The following TYW1 variants were observed in gnomAD, a reference collection of about 807,000 sequenced individuals.
TYW1 encodes the protein tRNA-yW synthesizing protein 1 homolog.
Under a neutral mutation model 96.2 loss-of-function variants are expected in TYW1, and 46 were observed. That is an observed-to-expected ratio of 0.48 (90% confidence interval 0.38 to 0.61). TYW1 has a LOEUF of 0.61. Ranked by LOEUF, TYW1 falls within the 20% of genes least tolerant of loss-of-function variation. The probability of loss-of-function intolerance (pLI) is 0.00; values close to 1 mark genes in which losing one functional copy is unlikely to be tolerated. For synonymous variants in TYW1, 274 were observed against 323.0 expected (o/e 0.85, Z 1.63); for missense variants, 684 against 909.6 (o/e 0.75, Z 3.19).
chr7:67,040,998 A>G (rs1487226944), intron 7 of TYW1, among the ~76,000 whole-genome samples: 1 of 152,152 alleles, frequency 6.6e-6, no homozygotes, highest in Non-Finnish European at 1.5e-5. Context: ...ATCCATGTAC[A>G]TTATTTTTTT....
At chr7:67,100,481 T>C (rs1435135110) in intron 12 of TYW1, among the ~76,000 whole-genome samples, 1 of 146,286 alleles carries the variant, frequency 6.8e-6, no homozygotes, top group Non-Finnish European at 1.5e-5. Context: ...ATTGGGGAAA[T>C]AGGAAAAAAA....
intron 7 of TYW1, among the ~76,000 whole-genome samples, chr7:67,029,906 G>C (rs1794618234): frequency 1.3e-5 from 2 of 152,016 alleles, no homozygotes; most frequent in Non-Finnish European, 2.9e-5. Context: ...TCACCATGTT[G>C]CCCAGGCCGA....
intron 9 of TYW1, 157 bp from the exon 10 acceptor site, chr7:67,067,128 C>T (rs1457261830): frequency 1.3e-6 from 1 of 793,168 alleles, no homozygotes; most frequent in Admixed American, 2.6e-5. Flanking sequence ...TGCCAAAACA[C>T]TGAAATGCTC....
intron 13 of TYW1, among the ~76,000 whole-genome samples, chr7:67,134,944 CCAAAAAAA>C (rs1798197453): frequency 1.2e-5 from 1 of 85,940 alleles, no homozygotes; most frequent in Admixed American, 1.3e-4. Context: ...CCTTTCTCTA[CCAAAAAAA>C]AAAAAAAAAA....
intron 11 of TYW1, among the ~76,000 whole-genome samples, chr7:67,097,004 T>C (rs1796941520): frequency 6.6e-6 from 1 of 151,976 alleles, no homozygotes. Flanking sequence ...TGTGATTTAA[T>C]ATGTTTGGGA....
intron 12 of TYW1, among the ~76,000 whole-genome samples, chr7:67,112,351 C>T (rs1237024424): frequency 6.6e-6 from 1 of 152,052 alleles, no homozygotes; most frequent in African/African-American, 2.4e-5. Flanking sequence ...CACAGTGGCT[C>T]ATGCCTGTAA....
At chr7:67,116,083 T>G (rs1179344482) in intron 12 of TYW1, among the ~76,000 whole-genome samples, 1 of 152,144 alleles carries the variant, frequency 6.6e-6, no homozygotes, top group Non-Finnish European at 1.5e-5. Context: ...CCCAGCACTT[T>G]GGGAGGCCAA....
Position 67,121,926 on chromosome 7 carries a change from A to ATC in TYW1, c.1698+4309_1698+4310dup, listed in dbSNP as rs566504312. ...AGTATGTGGGCTAAAAACCAATTCC[A>ATC]TCAAGATACCAGAGTAAAAAATGTG... On this transcript the variant is annotated intron_variant, in intron 13 of 15. Transcript: ENST00000359626. Among the ~76,000 whole-genome samples, 259 of 147,232 alleles carry ATC rather than the reference A, an allele frequency of 1.8e-3. 3 individuals carry two copies. Among genetic ancestry groups the ATC allele is most frequent in the Middle Eastern group, 6.8e-3 (2 of 292 alleles).
At chr7:67,111,490 C>T (rs62468381) in intron 12 of TYW1, among the ~76,000 whole-genome samples, 4 of 152,136 alleles carry the variant, frequency 2.6e-5, no homozygotes, top group Non-Finnish European at 5.9e-5. Flanking sequence ...CGTGAGCCAA[C>T]ACACCTGGCC....
At chr7:67,160,138 G>A (rs1799117366) in intron 13 of TYW1, among the ~76,000 whole-genome samples, 1 of 152,056 alleles carries the variant, frequency 6.6e-6, no homozygotes, top group Non-Finnish European at 1.5e-5. Context: ...GCGGTGGCTA[G>A]TGCCTGTAGT....
intron 15 of TYW1, among the ~76,000 whole-genome samples, chr7:67,211,423 C>T (rs4524666): frequency 0.27 from 40,642 of 151,888 alleles, 5,790 homozygotes; most frequent in African/African-American, 0.36. Flanking sequence ...GACATAACCC[C>T]ATTGTAAGTT....
chr7:67,128,424 G>C (rs1449575843), intron 13 of TYW1, among the ~76,000 whole-genome samples: 2 of 152,128 alleles, frequency 1.3e-5, no homozygotes, highest in Non-Finnish European at 2.9e-5. Flanking sequence ...TTGTCTATCT[G>C]TTCTTGTGTG....
Position 67,009,635 on chromosome 7 carries a change from C to T in TYW1, c.326C>T (p.Ala109Val), listed in dbSNP as rs372549643. The T allele has an allele frequency of 1.2e-6, 2 of 1,611,802 alleles. No homozygotes were observed. The highest frequency in any genetic ancestry group is 8.5e-7 in the Non-Finnish European group (1 of 1,179,516). ...GTTACATCCCTGGATCTGCCTGTGG[C>T]CATTATTAATCTAAAAGAATATGAT... Reference protein sequence around the residue: ...EAVTSLDLPVAIINLKEYDPD... With the variant: ...EAVTSLDLPVVIINLKEYDPD... The change falls in exon 4 of 16, where the codon GCC (alanine) becomes GTC (valine). Residue 109 changes from alanine to valine, a missense_variant. Physicochemically the swap from Ala to Val is moderately conservative, Grantham distance 64. Coordinates refer to ENST00000359626, the MANE Select transcript of TYW1 (RefSeq NM_018264.4).
Position 67,006,438 on chromosome 7 carries a change from CT to C in TYW1, c.274-3126del, listed in dbSNP as rs34088521. On this transcript the variant is annotated intron_variant, in intron 3 of 15. Coordinates refer to ENST00000359626, the MANE Select transcript of TYW1 (RefSeq NM_018264.4). ...CCCAATCTCAGGTATTTCTTTTTTC[CT>C]TTTTTTTTTTTTTTTTTTGAGATGG... Among the ~76,000 whole-genome samples, 258 of 114,748 alleles carry C rather than the reference CT, an allele frequency of 2.2e-3. 1 individual carries two copies. The highest frequency in any genetic ancestry group is 2.9e-3 in the Admixed American group (26 of 8,958). The allele number at this position is 114,748 out of a possible 152,430, so 75.3% of individuals were successfully genotyped here. A position where few individuals can be genotyped will look rare whatever the true frequency, so the allele number is the denominator to read the frequency against.
intron 13 of TYW1, among the ~76,000 whole-genome samples, chr7:67,152,512 C>T (rs1798834178): frequency 6.6e-6 from 1 of 152,130 alleles, no homozygotes; most frequent in African/African-American, 2.4e-5. Flanking sequence ...TGTATCCTCC[C>T]TCACCCCGCC....
At chr7:67,208,614 C>T (rs1199596632) in intron 15 of TYW1, among the ~76,000 whole-genome samples, 3 of 147,314 alleles carry the variant, frequency 2.0e-5, no homozygotes, top group South Asian at 4.5e-4. Context: ...CGCTTGAACC[C>T]GTGAGGCGGA....
intron 12 of TYW1, among the ~76,000 whole-genome samples, chr7:67,103,493 A>G (rs1272318572): frequency 6.6e-6 from 1 of 152,244 alleles, no homozygotes; most frequent in African/African-American, 2.4e-5. Flanking sequence ...TAGTGAAACA[A>G]GATAGTCTTC....
intron 13 of TYW1, among the ~76,000 whole-genome samples, chr7:67,130,347 C>T (rs1798030294): frequency 6.7e-6 from 1 of 149,430 alleles, no homozygotes; most frequent in East Asian, 2.0e-4. Flanking sequence ...TGTCACTGCA[C>T]TTCAGCTTGG....
chr7:67,173,981 A>G (rs573365019), intron 13 of TYW1, among the ~76,000 whole-genome samples: 7 of 140,134 alleles, frequency 5.0e-5, no homozygotes, highest in Non-Finnish European at 1.1e-4. Flanking sequence ...CAGGCAAACA[A>G]CCCATTTTGT....
Sources: allele counts gnomAD v4.1 joint callset (sites outside exome capture counted in the v4.1 genomes callset), GRCh38; gene constraint gnomAD v4.1.1; transcripts MANE v1.5; gene names NCBI Gene and HGNC (gene_info 2026-07-23, HGNC 2026-07-21).